LAMA2: variants seen among roughly 807,000 people sequenced by gnomAD.
LAMA2 encodes laminin subunit alpha-2.
Under a neutral mutation model 364.8 loss-of-function variants are expected in LAMA2, and 269 were observed. The observed-to-expected ratio is 0.74, with a 90% CI of 0.67 to 0.82. The LOEUF (loss-of-function observed/expected upper bound fraction) is 0.82, where lower values mean the gene tolerates loss of function less well. Ranked by LOEUF, LAMA2 falls within the 40% of genes least tolerant of loss-of-function variation. The pLI is 0.00. For missense variants in LAMA2, 3,807 were observed against 3,873.2 expected (o/e 0.98, Z 0.45); for synonymous variants, 1,379 against 1,370.6 (o/e 1.01, Z -0.14).
At chr6:129,332,274 G>T (rs1053366719) in intron 29 of LAMA2, among the ~76,000 whole-genome samples, 1 of 151,986 alleles carries the variant, frequency 6.6e-6, no homozygotes, top group Admixed American at 6.6e-5. Context: ...TTTTCCCCTT[G>T]ATACATTATT....
intron 9 of LAMA2, among the ~76,000 whole-genome samples, chr6:129,172,694 G>C (rs1324327608): frequency 6.6e-6 from 1 of 152,226 alleles, no homozygotes; most frequent in African/African-American, 2.4e-5. Flanking sequence ...GCTGTGGTGG[G>C]CTCCACCCAG....
intron 10 of LAMA2, among the ~76,000 whole-genome samples, chr6:129,189,211 G>A (rs898645000): frequency 1.3e-5 from 2 of 151,840 alleles, no homozygotes; most frequent in Admixed American, 6.6e-5. Flanking sequence ...AAACTACATG[G>A]AGAGAGAAGT....
intron 8 of LAMA2, among the ~76,000 whole-genome samples, chr6:129,164,412 G>A (rs1404412548): frequency 6.6e-6 from 1 of 152,170 alleles, no homozygotes; most frequent in East Asian, 1.9e-4. Flanking sequence ...ACCTCAGACA[G>A]CAAAACTACA....
In LAMA2 at chr6:129,313,035, A is replaced by G; in HGVS notation, c.3349A>G (p.Thr1117Ala). 6.2e-7 allele frequency: 1 copy of G among 1,614,160 alleles called. No individual in the cohort carries two copies. Among genetic ancestry groups the G allele is most frequent in the South Asian group, 1.1e-5 (1 of 91,084 alleles). Residue 1117 changes from threonine to alanine, a missense_variant, in exon 23 of 65, where the codon ACC becomes GCC. Coordinates refer to ENST00000421865, the MANE Select transcript of LAMA2 (RefSeq NM_000426.4). ...DCFLPGTDAT[T>A]CDSETKKCSC... ...CTTCCTCCCTGGGACAGATGCCACA[A>G]CCTGTGATTCAGAGACTAAAAAATG... is the stretch of plus-strand genomic sequence containing the variant.
At chr6:129,473,463 G>A in intron 52 of LAMA2, 111 bp downstream of exon 52, 1 of 1,041,838 alleles carries the variant, frequency 9.6e-7, no homozygotes, top group South Asian at 1.3e-5. Flanking sequence ...ACCCTTGGTT[G>A]CAGAAAGGCC....
intron 14 of LAMA2, among the ~76,000 whole-genome samples, chr6:129,259,484 T>C (rs1786964849): frequency 2.0e-5 from 3 of 152,126 alleles, no homozygotes; most frequent in Non-Finnish European, 4.4e-5. Context: ...AAAACTGTGA[T>C]TATTATGAGT....
intron 17 of LAMA2, among the ~76,000 whole-genome samples, chr6:129,275,258 C>T (rs1422897771): frequency 6.6e-6 from 1 of 151,950 alleles, no homozygotes; most frequent in African/African-American, 2.4e-5. Context: ...AGTGCTCTTT[C>T]CTACACATTG....
rs781648289 is a variant in LAMA2, at chr6:129,480,914, A to T, written c.7573-349A>T. 9.2e-4 allele frequency among the ~76,000 whole-genome samples: 140 copies of T among 152,288 alleles called. 3 individuals are homozygous for T. The highest frequency in any genetic ancestry group is 3.7e-4 in the Non-Finnish European group (25 of 68,022). The stretch of plus-strand genomic sequence containing the variant: ...AAACTTAGGGACAATCTCCCTAGAC[A>T]TGTACCTGCTTGTGTGTCAGTTTGA... On this transcript the variant is annotated intron_variant, in intron 54 of 64. Coordinates refer to ENST00000421865, the MANE Select transcript of LAMA2 (RefSeq NM_000426.4).
chr6:129,351,129 A>G (rs1776829248), intron 31 of LAMA2, among the ~76,000 whole-genome samples: 1 of 152,178 alleles, frequency 6.6e-6, no homozygotes, highest in Admixed American at 6.6e-5. Context: ...TTTAAACACC[A>G]GTAGGATGGT....
chr6:129,349,236 A>C lies in LAMA2; in HGVS notation c.4437-62A>C, dbSNP rs1583550748. The C allele has an allele frequency of 4.0e-6, 5 of 1,264,204 alleles. No individual in the cohort carries two copies. In the East Asian group the frequency reaches 1.2e-4, roughly 30 times the overall value. The allele number at this position is 1,264,204 out of a possible 1,614,324, so 78.3% of individuals were successfully genotyped here. ...CCCAATAACCTTGATCATGGATAGG[A>C]ATACTATTTTATAAAATAAATGGAT... On this transcript the variant is annotated intron_variant, in intron 30 of 64. Coordinates refer to ENST00000421865, the MANE Select transcript of LAMA2 (RefSeq NM_000426.4).
At chr6:129,069,200 T>C (rs1328774901) in intron 3 of LAMA2, among the ~76,000 whole-genome samples, 5 of 152,002 alleles carry the variant, frequency 3.3e-5, no homozygotes, top group African/African-American at 1.2e-4. Flanking sequence ...TGAATTCTGT[T>C]ATGGAAAGTC....
At chr6:128,896,842 T>C (rs559553099) in intron 1 of LAMA2, among the ~76,000 whole-genome samples, 14 of 152,242 alleles carry the variant, frequency 9.2e-5, no homozygotes, top group African/African-American at 2.9e-4. Context: ...AATTAATTTA[T>C]CTGCTGACCT....
chr6:128,992,302 A>G (rs1328735024), intron 1 of LAMA2, among the ~76,000 whole-genome samples: 2 of 152,182 alleles, frequency 1.3e-5, no homozygotes, highest in African/African-American at 4.8e-5. Context: ...TAAAAACCTT[A>G]TTTCATAGCA....
At chr6:129,208,501 TAG>T (rs968856693) in intron 12 of LAMA2, among the ~76,000 whole-genome samples, 3 of 128,864 alleles carry the variant, frequency 2.3e-5, no homozygotes, top group African/African-American at 8.8e-5. Flanking sequence ...AAGAGAGAGA[TAG>T]AGAGAGGCAG....
intron 4 of LAMA2, among the ~76,000 whole-genome samples, chr6:129,127,449 A>T (rs748919686): frequency 1.6e-4 from 25 of 152,214 alleles, no homozygotes; most frequent in Non-Finnish European, 2.4e-4. Flanking sequence ...TGATTTCAAA[A>T]TGTGGCTAAT....
chr6:129,451,074 T>TA (rs1782651967), intron 45 of LAMA2, among the ~76,000 whole-genome samples: 1 of 152,206 alleles, frequency 6.6e-6, no homozygotes, highest in Non-Finnish European at 1.5e-5. Context: ...TCTCTCTTTT[T>TA]ATCTCTAATC....
chr6:128,940,955 A>C (rs1280397413), intron 1 of LAMA2, among the ~76,000 whole-genome samples: 2 of 152,120 alleles, frequency 1.3e-5, no homozygotes, highest in African/African-American at 4.8e-5. Flanking sequence ...TGTCCCCCCC[A>C]AAATTTTTTT....
chr6:129,064,481 CAATG>C (rs1582972780), intron 3 of LAMA2, among the ~76,000 whole-genome samples: 1 of 151,082 alleles, frequency 6.6e-6, no homozygotes, highest in African/African-American at 2.4e-5. Context: ...ACTAGGGAAA[CAATG>C]GAAGAGATTA....
chr6:129,306,608 A>G (rs559462953), intron 22 of LAMA2, among the ~76,000 whole-genome samples: 138 of 151,536 alleles, frequency 9.1e-4, no homozygotes, highest in African/African-American at 2.8e-3. Flanking sequence ...ATGTTGGGCC[A>G]ATTGATATTT....
Sources: gnomAD v4.1 joint callset for allele counts (sites outside exome capture counted in the v4.1 genomes callset) on GRCh38, gnomAD v4.1.1 for gene constraint, MANE v1.5 for transcripts, NCBI Gene and HGNC (gene_info 2026-07-23, HGNC 2026-07-21) for gene names.